Variants in CR1 observed in about 807,000 individuals in gnomAD.
CR1 encodes the protein complement C3b/C4b receptor 1 (Knops blood group).
Under a neutral mutation model 187.3 loss-of-function variants are expected in CR1, and 116 were observed. The observed-to-expected ratio is 0.62, with a 90% CI of 0.53 to 0.72. The LOEUF (loss-of-function observed/expected upper bound fraction) is 0.72, where lower values mean the gene tolerates loss of function less well. Among genes scored for constraint, CR1 ranks in the 30% least tolerant of loss-of-function variants. The pLI, the probability that CR1 is intolerant of heterozygous loss-of-function variation, is 0.00. For synonymous variants in CR1, 576 were observed against 747.1 expected, an observed-to-expected ratio of 0.77 and a Z score of 3.73; for missense variants, 1,731 against 2,110.7, an observed-to-expected ratio of 0.82 and a Z score of 3.52.
At chr1:207,594,448 C>T (rs950851629) in intron 35 of CR1, among the ~76,000 whole-genome samples, 69 of 151,962 alleles carry the variant, frequency 4.5e-4, no homozygotes, top group African/African-American at 1.4e-3. Flanking sequence ...CAGTGGGGCC[C>T]GTCAGAGGGT....
intron 35 of CR1, chr1:207,605,841 G>A (rs936898358): frequency 2.0e-5 from 3 of 152,114 alleles, no homozygotes; most frequent in South Asian, 2.1e-4. Flanking sequence ...CTAGCAATAA[G>A]TAAAATTCAA....
intron 3 of CR1, among the ~76,000 whole-genome samples, chr1:207,508,134 G>T (rs1300789047): frequency 6.6e-6 from 1 of 152,236 alleles, no homozygotes; most frequent in Non-Finnish European, 1.5e-5. Context: ...GTTGTCAGGG[G>T]TTAGGGAAGA....
At position 207,617,596 on chromosome 1, in the gene CR1, TATATATATATATATATAGAGAG is replaced by T. The variant is rs1303674244; in HGVS notation, c.6890-473_6890-452del. 7.8e-4 allele frequency among the ~76,000 whole-genome samples: 33 copies of T among 42,180 alleles called. No homozygotes were observed. The East Asian group carries it at 0.01, about 13-fold the overall frequency. 27.7% of individuals were successfully genotyped at this position (42,180 alleles called of 152,430 possible). A position where few individuals can be genotyped will look rare whatever the true frequency, so the allele number is the denominator to read the frequency against. On this transcript the variant is annotated intron_variant, in intron 41 of 46. Transcript: ENST00000367049. ...GTGTGTGTATATATATATATATATA[TATATATATATATATATAGAGAG>T]AGAGAGAGAGAGAGAGAGAGAGAGA...
chr1:207,567,757 C>A, intron 24 of CR1, 67 bp from the exon 25 acceptor site: 1 of 1,596,228 alleles, frequency 6.3e-7, no homozygotes, highest in Non-Finnish European at 8.6e-7. Flanking sequence ...ATCATAGCAC[C>A]CTGTAATTGC....
Position 207,587,382 on chromosome 1 carries a change from C to T in CR1, c.5531-4C>T, listed in dbSNP as rs1661141767. The T allele has an allele frequency of 3.7e-6, 6 of 1,608,676 alleles. No individual in the cohort carries two copies. In the African/African-American group the frequency reaches 5.3e-5, roughly 14 times the overall value. On this transcript the variant is annotated splice_polypyrimidine_tract_variant and splice_region_variant and intron_variant, in intron 33 of 46. Transcript: ENST00000367049. ...TTTGATATTCCTGTGGTTTTTCTCT[C>T]CAGGTCACTGTAAAACCCCAGAGCA...
At chr1:207,617,503 A>ATGTGTG (rs1198212990) in intron 41 of CR1, among the ~76,000 whole-genome samples, 2 of 49,072 alleles carry the variant, frequency 4.1e-5, no homozygotes, top group Non-Finnish European at 8.9e-5. Flanking sequence ...ATATATATAT[A>ATGTGTG]TATATGTGTG....
At chr1:207,510,791 T>A (rs1201547317) in intron 3 of CR1, among the ~76,000 whole-genome samples, 2 of 150,324 alleles carry the variant, frequency 1.3e-5, no homozygotes, top group African/African-American at 2.5e-5. Flanking sequence ...CCTTTCCTTC[T>A]TTCCTTCTTT....
At position 207,580,421 on chromosome 1, in the gene CR1, C is replaced by T; in HGVS notation, c.5113+5C>T. On this transcript the variant is annotated splice_donor_5th_base_variant and intron_variant, in intron 30 of 46. Coordinates refer to ENST00000367049, the MANE Select transcript of CR1 (RefSeq NM_000651.6). ...CTGAAGCCCCGAGATGTGCAGGTGC[C>T]TCAACTCTCTGGCTTCCAGATTTCT... is the stretch of plus-strand genomic sequence containing the variant. 1 of 1,612,866 alleles carries T rather than the reference C, an allele frequency of 6.2e-7. No homozygotes were observed. The highest frequency in any genetic ancestry group is 8.5e-7 in the Non-Finnish European group (1 of 1,179,444).
At chr1:207,580,000 C>T (rs2274566) in intron 29 of CR1, among the ~76,000 whole-genome samples, 69,185 of 152,006 alleles carry the variant, frequency 0.46, 18,249 homozygotes, top group Non-Finnish European at 0.59. Flanking sequence ...TGGTACAAAT[C>T]GGGATTACCT....
At chr1:207,609,800 T>A (rs1318277185) in intron 37 of CR1, 112 bp downstream of exon 37, 1 of 1,110,248 alleles carries the variant, frequency 9.0e-7, no homozygotes. Context: ...ATAAACATAA[T>A]AGTAGCTTCA....
At chr1:207,514,639 C>G (rs1558219991) in intron 4 of CR1, among the ~76,000 whole-genome samples, 1 of 152,150 alleles carries the variant, frequency 6.6e-6, no homozygotes, top group African/African-American at 2.4e-5. Flanking sequence ...TTTGTTATAG[C>G]AGCCCAAATA....
chr1:207,627,442 A>C (rs1421030894), intron 45 of CR1, among the ~76,000 whole-genome samples: 1 of 152,164 alleles, frequency 6.6e-6, no homozygotes, highest in Non-Finnish European at 1.5e-5. Flanking sequence ...CAGTGTTACC[A>C]CAAGGGGAAA....
At chr1:207,610,036 A>G (rs1314459367) in intron 37 of CR1, among the ~76,000 whole-genome samples, 1 of 152,160 alleles carries the variant, frequency 6.6e-6, no homozygotes, top group African/African-American at 2.4e-5. Flanking sequence ...AGTGGAATGT[A>G]TCATGAACAA....
Position 207,575,633 on chromosome 1 carries a change from T to C in CR1, c.4490T>C (p.Leu1497Pro). The change falls in exon 28 of 47, where the codon CTC (leucine) becomes CCC (proline). Residue 1497 changes from leucine to proline, a missense_variant. Physicochemically the swap from Leu to Pro is moderately conservative, Grantham distance 98. Coordinates refer to ENST00000367049, the MANE Select transcript of CR1 (RefSeq NM_000651.6). ...GGTCACTCATCTGCTGAATGTATCCTCTCAGGCAATACTGCCCATTGGAGC... is the reference window on the plus strand; with the variant it reads ...GGTCACTCATCTGCTGAATGTATCCCCTCAGGCAATACTGCCCATTGGAGC... Reference protein sequence around the residue: ...LIGHSSAECILSGNTAHWSTK... With the variant: ...LIGHSSAECIPSGNTAHWSTK... The C allele has an allele frequency of 1.9e-6, 3 of 1,611,864 alleles. No individual in the cohort carries two copies. The highest frequency in any genetic ancestry group is 2.5e-6 in the Non-Finnish European group (3 of 1,179,704).
intron 41 of CR1, among the ~76,000 whole-genome samples, chr1:207,617,612 TAGAGAGAGAGAGAG>T (rs1156448710): frequency 0.019 from 420 of 21,850 alleles, 10 homozygotes; most frequent in East Asian, 0.11. Flanking sequence ...TATATATATA[TAGAGAGAGAGAGAG>T]AGAGAGAGAG....
intron 35 of CR1, among the ~76,000 whole-genome samples, chr1:207,593,051 A>G (rs1237630815): frequency 6.8e-6 from 1 of 147,620 alleles, no homozygotes; most frequent in African/African-American, 2.6e-5. Flanking sequence ...TGCTATCCCC[A>G]TCAAATTACC....
intron 35 of CR1, among the ~76,000 whole-genome samples, chr1:207,593,938 A>T (rs957566779): frequency 6.6e-6 from 1 of 152,238 alleles, no homozygotes; most frequent in African/African-American, 2.4e-5. Context: ...GCAATCACTA[A>T]AAAGTCAGGA....
In CR1 at chr1:207,567,902, A is replaced by C. The variant is rs779108707; in HGVS notation, c.4031A>C (p.Lys1344Thr). 6.2e-7 allele frequency: 1 copy of C among 1,610,828 alleles called. No homozygotes were observed. The highest frequency in any genetic ancestry group is 1.1e-5 in the South Asian group (1 of 91,042). ...CCTCTGGAAGTCTTTCCCTTTGGAA[A>C]AGCAGTAAATTACACATGCGACCCC... is the stretch of plus-strand genomic sequence containing the variant. ...GKPLEVFPFG[K>T]AVNYTCDPHP... The change falls in exon 25 of 47, where the codon AAA becomes ACA. Residue 1344 changes from lysine to threonine, a missense_variant. By Grantham distance (78) the Lys-to-Thr change is moderately conservative (BLOSUM62 -1). Coordinates refer to ENST00000367049, the MANE Select transcript of CR1 (RefSeq NM_000651.6).
rs113578474 is a variant in CR1 at position 207,577,995 on chromosome 1, C to T, written c.4728C>T (p.Ser1576=). ...TSNDDQVGIW[S]GPAPQCIIPN... ...ATGACGATCAAGTGGGCATCTGGAG[C>T]GGCCCCGCCCCTCAGTGCATTATAC... is the stretch of plus-strand genomic sequence containing the variant. The change falls in exon 29 of 47, where the codon AGC becomes AGT. Residue 1576 remains serine (S), a synonymous_variant. Coordinates refer to ENST00000367049, the MANE Select transcript of CR1 (RefSeq NM_000651.6). 556 of 1,611,794 alleles carry T rather than the reference C, an allele frequency of 3.4e-4. 2 individuals are homozygous for T. The African/African-American group carries it at 6.3e-3, about 18-fold the overall frequency.
Sources: gnomAD v4.1 joint callset for allele counts (sites outside exome capture counted in the v4.1 genomes callset) on GRCh38, gnomAD v4.1.1 for gene constraint, MANE v1.5 for transcripts, NCBI Gene and HGNC (gene_info 2026-07-23, HGNC 2026-07-21) for gene names.